CSRP3: variants seen among roughly 807,000 people sequenced by gnomAD.
CSRP3 encodes the protein cysteine and glycine rich protein 3, also known as cysteine and glycine-rich protein 3.
Under a neutral mutation model 24.3 loss-of-function variants are expected in CSRP3, and 24 were observed. That is an observed-to-expected ratio of 0.99 (90% CI 0.71 to 1.39). The LOEUF (loss-of-function observed/expected upper bound fraction) is 1.39. Among genes scored for constraint, CSRP3 ranks in the 40% most tolerant of loss-of-function variants. The probability of loss-of-function intolerance (pLI) is 0.00; values close to 1 mark genes in which losing one functional copy is unlikely to be tolerated. For synonymous variants in CSRP3, 105 were observed against 94.0 expected, an observed-to-expected ratio of 1.12 and a Z score of -0.68; for missense variants, 240 against 249.0, an observed-to-expected ratio of 0.96 and a Z score of 0.24.
At chr11:19,191,461 A>C (rs1850612959) in intron 2 of CSRP3, among the ~76,000 whole-genome samples, 1 of 152,192 alleles carries the variant, frequency 6.6e-6, no homozygotes, top group Non-Finnish European at 1.5e-5. Flanking sequence ...GACCTCCTGG[A>C]CAGAAGCAGA....
chr11:19,188,005 A>AT, intron 3 of CSRP3, 131 bp downstream of exon 3: 1 of 1,054,010 alleles, frequency 9.5e-7, no homozygotes, highest in South Asian at 1.3e-5. Flanking sequence ...CAGACTGAGT[A>AT]TTCCTATTGT....
chr11:19,189,162 A>G (rs1247098956), intron 2 of CSRP3, among the ~76,000 whole-genome samples: 1 of 152,206 alleles, frequency 6.6e-6, no homozygotes, highest in African/African-American at 2.4e-5. Context: ...TGCATCTTCA[A>G]CATCGGCATC....
At chr11:19,186,434 C>A in intron 3 of CSRP3, 86 bp from the exon 4 acceptor site, 1 of 1,518,130 alleles carries the variant, frequency 6.6e-7, no homozygotes, top group Admixed American at 1.7e-5. Context: ...AGTGACCTCA[C>A]TTCCGTGTGT....
chr11:19,184,898 C>G, intron 5 of CSRP3, 54 bp downstream of exon 5: 1 of 1,339,746 alleles, frequency 7.5e-7, no homozygotes. Context: ...ATTTCCTCTC[C>G]CAAGGGCCCT....
intron 4 of CSRP3, 49 bp downstream of exon 4, chr11:19,186,167 G>A: frequency 6.2e-7 from 1 of 1,613,382 alleles, no homozygotes; most frequent in Non-Finnish European, 8.5e-7. Flanking sequence ...CTCCCAAATG[G>A]CCTGGTGGAG....
intron 1 of CSRP3, among the ~76,000 whole-genome samples, chr11:19,199,542 A>C (rs973251567): frequency 3.9e-5 from 6 of 152,156 alleles, no homozygotes; most frequent in African/African-American, 1.4e-4. Context: ...TAAAGACCAC[A>C]TCATATCCCA....
intron 1 of CSRP3, among the ~76,000 whole-genome samples, chr11:19,198,028 A>G (rs1850770758): frequency 6.6e-6 from 1 of 152,192 alleles, no homozygotes; most frequent in Non-Finnish European, 1.5e-5. Context: ...CATGGGACTG[A>G]TATGTGTCAC....
chr11:19,189,802 A>G lies in CSRP3; in HGVS notation c.113-1498T>C, dbSNP rs887545533. On this transcript the variant is annotated intron_variant, in intron 2 of 5. Transcript: ENST00000265968. Reference sequence around the variant, plus strand: ...AATCAGTAAATAAAATAATTGGAAGAATGTCTTACAGCAGGAGAGACTTTA... The same window carrying G: ...AATCAGTAAATAAAATAATTGGAAGGATGTCTTACAGCAGGAGAGACTTTA... Among the ~76,000 whole-genome samples the G allele has an allele frequency of 9.2e-5, 14 of 152,350 alleles. No homozygotes were observed. In the South Asian group the frequency reaches 1.0e-3, roughly 11 times the overall value.
At chr11:19,201,840 G>A (rs1850849517) in intron 1 of CSRP3, 114 bp downstream of exon 1, 1 of 152,124 alleles carries the variant, frequency 6.6e-6, no homozygotes, top group African/African-American at 2.4e-5. Flanking sequence ...AACCAGAGAG[G>A]GTGCTGGCAC....
intron 2 of CSRP3, among the ~76,000 whole-genome samples, chr11:19,189,846 G>A (rs561024548): frequency 6.6e-6 from 1 of 152,284 alleles, no homozygotes; most frequent in East Asian, 1.9e-4. Flanking sequence ...TAAACACAAG[G>A]CATATCTTTT....
chr11:19,200,516 C>T (rs1456924676), intron 1 of CSRP3, among the ~76,000 whole-genome samples: 3 of 152,058 alleles, frequency 2.0e-5, no homozygotes, highest in Non-Finnish European at 4.4e-5. Flanking sequence ...TTCTCTCCTT[C>T]GAAGGAGGAG....
intron 1 of CSRP3, among the ~76,000 whole-genome samples, chr11:19,197,555 C>CTT (rs1554968712): frequency 3.9e-5 from 5 of 128,308 alleles, no homozygotes; most frequent in Non-Finnish European, 6.6e-5. Context: ...TTCTTTCTTT[C>CTT]TTTCTTTCTT....
chr11:19,183,123 A>G (rs1001540874), intron 5 of CSRP3, among the ~76,000 whole-genome samples: 32 of 151,896 alleles, frequency 2.1e-4, no homozygotes, highest in Non-Finnish European at 4.4e-4. Flanking sequence ...ACACCACTGC[A>G]CTCCAGCTTG....
intron 1 of CSRP3, among the ~76,000 whole-genome samples, chr11:19,200,548 G>A (rs1015544790): frequency 6.6e-5 from 10 of 151,936 alleles, no homozygotes; most frequent in Admixed American, 4.6e-4. Context: ...TGTGTCTCCT[G>A]TTTCTGATGG....
Position 19,188,187 on chromosome 11 carries a change from G to C in CSRP3, c.230C>G (p.Ala77Gly), listed in dbSNP as rs772138289. The change falls in exon 3 of 6, where the codon GCT becomes GGT. Residue 77 changes from alanine to glycine, a missense_variant. Ala to Gly is a moderately conservative substitution (Grantham distance 60). Transcript: ENST00000265968. ...GPKGIGYGQG[A>G]GCLSTDTGEH... ...GCCCGTGTCTGTGCTGAGACAGCCA[G>C]CGCCTTGTCCATACCCGATCCCTTT... 3.1e-5 allele frequency: 50 copies of C among 1,613,902 alleles called. No homozygotes were observed. The highest frequency in any genetic ancestry group is 4.0e-5 in the Non-Finnish European group (47 of 1,180,038).
Position 19,186,331 on chromosome 11 carries a change from C to A in CSRP3, c.299G>T (p.Arg100Leu). The A allele has an allele frequency of 2.5e-6, 4 of 1,614,156 alleles. No homozygotes were observed. The highest frequency in any genetic ancestry group is 3.4e-6 in the Non-Finnish European group (4 of 1,180,026). Residue 100 changes from arginine (R) to leucine (L), a missense_variant, in exon 4 of 6, where the codon CGC becomes CTC. Arg to Leu is a moderately radical substitution (Grantham distance 102, BLOSUM62 -2). Coordinates refer to ENST00000265968, the MANE Select transcript of CSRP3 (RefSeq NM_003476.5). ...LQFQQSPKPA[R>L]SVTTSNPSKF... ...GGAAGGGTTGCTGGTGGTAACTGAGCGTGCCGGCTTTGGGGACCTGTTGGA... is the reference window on the plus strand; with the variant it reads ...GGAAGGGTTGCTGGTGGTAACTGAGAGTGCCGGCTTTGGGGACCTGTTGGA...
Position 19,185,006 on chromosome 11 carries a change from T to C in CSRP3, c.454A>G (p.Lys152Glu). The C allele has an allele frequency of 6.2e-7, 1 of 1,614,236 alleles. No individual in the cohort carries two copies. The highest frequency in any genetic ancestry group is 8.5e-7 in the Non-Finnish European group (1 of 1,180,026). The change falls in exon 5 of 6, where the codon AAG becomes GAG. Residue 152 changes from lysine to glutamate, a missense_variant. By Grantham distance (56) the Lys-to-Glu change is moderately conservative. Transcript: ENST00000265968. ...GTGACATTTGTGGACTCCAGACTCT[T>C]CCCACAGATGGCACAGCGGAAACAG... ...KTCFRCAICG[K>E]SLESTNVTDK...
At position 19,182,584 on chromosome 11, in the gene CSRP3, G is replaced by C; in HGVS notation, c.*86C>G. 1.9e-6 allele frequency: 2 copies of C among 1,068,320 alleles called. No individual in the cohort carries two copies. Among genetic ancestry groups the C allele is most frequent in the Non-Finnish European group, 2.9e-6 (2 of 681,728 alleles). 66.2% of individuals were successfully genotyped at this position (1,068,320 alleles called of 1,614,324 possible). On this transcript the variant is annotated 3_prime_UTR_variant, in exon 6 of 6. Transcript: ENST00000265968. ...CATAATGTACGACTACAAAGGAGAG[G>C]CTATTTGGGGAAAGGTATCGATCTG...
intron 5 of CSRP3, among the ~76,000 whole-genome samples, chr11:19,183,970 A>G (rs1850482032): frequency 6.6e-6 from 1 of 152,234 alleles, no homozygotes; most frequent in South Asian, 2.1e-4. Context: ...GCTTGCTGCT[A>G]TGTAAGGTGT....
Sources: allele counts gnomAD v4.1 joint callset (sites outside exome capture counted in the v4.1 genomes callset), GRCh38; gene constraint gnomAD v4.1.1; transcripts MANE v1.5; gene names NCBI Gene and HGNC (gene_info 2026-07-23, HGNC 2026-07-21).